Variants in DRP2 observed in about 807,000 individuals in gnomAD.
The protein encoded by DRP2 is dystrophin related protein 2, also known as dystrophin-related protein 2.
Under a neutral mutation model 78.2 loss-of-function variants are expected in DRP2, and 29 were observed. The observed-to-expected ratio is 0.37, with a 90% CI of 0.28 to 0.51. The LOEUF (loss-of-function observed/expected upper bound fraction) is 0.51. Among genes scored for constraint, DRP2 ranks in the 20% least tolerant of loss-of-function variants. The pLI, the probability that DRP2 is intolerant of heterozygous loss-of-function variation, is 0.94. For synonymous variants in DRP2, 290 were observed against 281.9 expected, an observed-to-expected ratio of 1.03 and a Z score of -0.29; for missense variants, 686 against 770.6, an observed-to-expected ratio of 0.89 and a Z score of 1.30.
Position 101,250,905 on chromosome X carries a change from T to A in DRP2, c.1699-12T>A. 1 of 1,209,431 alleles carries A rather than the reference T, an allele frequency of 8.3e-7. No homozygotes were observed. Among genetic ancestry groups the A allele is most frequent in the Non-Finnish European group, 1.1e-6 (1 of 894,469 alleles). Reference sequence around the variant, plus strand: ...GCCTCAGTCATTCCCATTGGTCTTCTTGTTTCCGTAGAGCACCGGGAAGCC... The same window carrying A: ...GCCTCAGTCATTCCCATTGGTCTTCATGTTTCCGTAGAGCACCGGGAAGCC... On this transcript the variant is annotated splice_polypyrimidine_tract_variant and intron_variant, in intron 15 of 23. Transcript: ENST00000395209.
In DRP2 at chrX:101,260,567, C is replaced by G. The variant is rs774764654; in HGVS notation, c.2820C>G (p.Ala940=). The change falls in exon 24 of 24, where the codon GCC becomes GCG. Residue 940 remains alanine (A), a synonymous_variant. Transcript: ENST00000395209. ...ACATCATGGAGAAACTCCGTCATGC[C>G]TTCCCCAGTGTGCGAAGTTCTGATG... ...LEDIMEKLRH[A]FPSVRSSDVT... 3 of 1,211,525 alleles carry G rather than the reference C, an allele frequency of 2.5e-6. No individual in the cohort carries two copies. In the Admixed American group the frequency reaches 6.5e-5, roughly 26 times the overall value.
At chrX:101,237,987 C>G (rs1422598575) in intron 5 of DRP2, among the ~76,000 whole-genome samples, 1 of 111,938 alleles carries the variant, frequency 8.9e-6, no homozygotes, top group Admixed American at 9.5e-5. Flanking sequence ...CCTTAAAATA[C>G]TGCCATGATT....
At chrX:101,250,390 G>A (rs945390442) in intron 14 of DRP2, 33 bp from the exon 15 acceptor site, 5 of 1,209,087 alleles carry the variant, frequency 4.1e-6, no homozygotes, top group Non-Finnish European at 4.5e-6. Flanking sequence ...TTCCTGTGTC[G>A]GGGTTGGCCA....
At chrX:101,227,331 T>C (rs1347231273) in intron 2 of DRP2, among the ~76,000 whole-genome samples, 1 of 112,057 alleles carries the variant, frequency 8.9e-6, no homozygotes, top group Non-Finnish European at 1.9e-5. Flanking sequence ...GTCTGATTCA[T>C]CTTCAATCTC....
At chrX:101,250,257 A>G (rs1232543553) in intron 14 of DRP2, among the ~76,000 whole-genome samples, 166 bp from the exon 15 acceptor site, 4 of 111,310 alleles carry the variant, frequency 3.6e-5, no homozygotes, top group Non-Finnish European at 7.5e-5. Flanking sequence ...CTCTTTTTAG[A>G]ACTCGGCTAC....
At chrX:101,245,925 GAAA>G (rs1053401027) in intron 11 of DRP2, among the ~76,000 whole-genome samples, 5 of 111,881 alleles carry the variant, frequency 4.5e-5, no homozygotes, top group Admixed American at 1.9e-4. Context: ...TGTTCTTACA[GAAA>G]AAAACAATAA....
At chrX:101,247,867 A>G (rs1250683176) in intron 12 of DRP2, among the ~76,000 whole-genome samples, 1 of 112,398 alleles carries the variant, frequency 8.9e-6, no homozygotes, top group African/African-American at 3.2e-5. Flanking sequence ...GTCAAAGAAC[A>G]TTGGATATAA....
chrX:101,224,461 A>G (rs1320363776), intron 1 of DRP2, 143 bp from the exon 2 acceptor site: 2 of 109,579 alleles, frequency 1.8e-5, no homozygotes, highest in Admixed American at 9.7e-5. Context: ...GCATGCGCAC[A>G]GTAGATTTTT....
At chrX:101,224,222 G>C (rs1221610166) in intron 1 of DRP2, among the ~76,000 whole-genome samples, 1 of 2,454 alleles carries the variant, frequency 4.1e-4, no homozygotes, top group Non-Finnish European at 9.7e-4. Flanking sequence ...TTTTTTTTTT[G>C]AGATGGAGTC....
At chrX:101,234,799 T>C (rs1245766686) in intron 3 of DRP2, among the ~76,000 whole-genome samples, 2 of 110,299 alleles carry the variant, frequency 1.8e-5, no homozygotes, top group Non-Finnish European at 3.8e-5. Context: ...AATGGGATGA[T>C]TGGTTTCCTA....
At chrX:101,258,065 C>T (rs1421483318) in intron 21 of DRP2, among the ~76,000 whole-genome samples, 2 of 109,867 alleles carry the variant, frequency 1.8e-5, no homozygotes, top group African/African-American at 3.3e-5. Flanking sequence ...ACATTTCTTA[C>T]GCAAAATGTC....
At chrX:101,254,126 A>AATT (rs1169050564) in intron 17 of DRP2, among the ~76,000 whole-genome samples, 3 of 110,064 alleles carry the variant, frequency 2.7e-5, no homozygotes, top group Non-Finnish European at 3.8e-5. Flanking sequence ...CTACAAAATT[A>AATT]ATTATTATTA....
At chrX:101,230,370 C>T (rs1050480363) in intron 2 of DRP2, among the ~76,000 whole-genome samples, 4 of 110,070 alleles carry the variant, frequency 3.6e-5, no homozygotes, top group Admixed American at 9.7e-5. Flanking sequence ...ACTAAAAATA[C>T]GAAAAATTAG....
chrX:101,228,168 T>C (rs776143588), intron 2 of DRP2, among the ~76,000 whole-genome samples: 87 of 112,186 alleles, frequency 7.8e-4, no homozygotes, highest in African/African-American at 2.7e-3. Context: ...TTTAGACATA[T>C]GTATCATAAA....
chrX:101,243,415 A>C (rs992892558), intron 9 of DRP2, among the ~76,000 whole-genome samples: 15 of 77,572 alleles, frequency 1.9e-4, no homozygotes, highest in South Asian at 9.7e-4. Context: ...AAAAAAAAAA[A>C]ACACAATCTC....
intron 4 of DRP2, among the ~76,000 whole-genome samples, chrX:101,236,812 A>G (rs1443570190): frequency 1.8e-5 from 2 of 112,136 alleles, no homozygotes; most frequent in East Asian, 2.8e-4. Context: ...AGGAATGCCT[A>G]CTTAATAAGG....
At chrX:101,255,270 A>G (rs767311443) in intron 20 of DRP2, 21 bp downstream of exon 20, 1 of 1,197,506 alleles carries the variant, frequency 8.4e-7, no homozygotes, top group East Asian at 3.0e-5. Flanking sequence ...ACAGCTGCTT[A>G]TTTGCCAGAA....
In DRP2 at chrX:101,241,886, A is replaced by G. The variant is rs1922744117; in HGVS notation, c.778A>G (p.Ile260Val). The change falls in exon 7 of 24, where the codon ATT (isoleucine) becomes GTT (valine). Residue 260 changes from isoleucine (I) to valine (V), a missense_variant. Physicochemically the swap from Ile to Val is conservative, Grantham distance 29. This residue lies in a region of DRP2 where 263 missense variants were observed against 239.1 expected (regional missense o/e 1.10). Transcript: ENST00000395209. ...AEGVRATWEP[I>V]GDLFIDSLPE... The stretch of plus-strand genomic sequence containing the variant: ...GGGAGTCCGAGCCACTTGGGAGCCC[A>G]TTGGGGATCTCTTCATTGATTCACT... 7 of 1,176,156 alleles carry G rather than the reference A, an allele frequency of 6.0e-6. No homozygotes were observed. The highest frequency in any genetic ancestry group is 8.0e-6 in the Non-Finnish European group (7 of 877,607).
chrX:101,258,471 G>T lies in DRP2; in HGVS notation c.2553G>T (p.Thr851=). The T allele has an allele frequency of 1.7e-6, 2 of 1,198,877 alleles. No individual in the cohort carries two copies. Among genetic ancestry groups the T allele is most frequent in the African/African-American group, 3.5e-5 (2 of 57,670 alleles). The change falls in exon 22 of 24, where the codon ACG becomes ACT. Residue 851 remains threonine, a synonymous_variant. Transcript: ENST00000395209. ...ILRQHKSRLE[T]RMQILEDHNK... is the part of the protein sequence containing the mutation. ...GGCAACATAAGAGCCGCCTGGAGAC[G>T]CGCATGCAGATCCTCGAAGATCACA...
Sources: gnomAD v4.1 joint callset for allele counts (sites outside exome capture counted in the v4.1 genomes callset) on GRCh38, gnomAD v4.1.1 for gene constraint, gnomAD v4.1.1 regional missense constraint, MANE v1.5 for transcripts, NCBI Gene and HGNC (gene_info 2026-07-23, HGNC 2026-07-21) for gene names.